The following RAB9A variants were observed in gnomAD, a reference collection of about 807,000 sequenced individuals.
RAB9A encodes RAB9A, member RAS oncogene family.
Under a neutral mutation model 10.3 loss-of-function variants are expected in RAB9A, and 1 was observed. The observed-to-expected ratio is 0.10, with a 90% CI of 0.03 to 0.46. The LOEUF (loss-of-function observed/expected upper bound fraction) is 0.46. Ranked by LOEUF, RAB9A falls within the 20% of genes least tolerant of loss-of-function variation. The pLI is 0.96. For synonymous variants in RAB9A, 39 were observed against 55.2 expected, an observed-to-expected ratio of 0.71 and a Z score of 1.30; for missense variants, 92 against 150.3, an observed-to-expected ratio of 0.61 and a Z score of 2.03.
At chrX:13,697,891 T>C (rs1472788422) in intron 1 of RAB9A, among the ~76,000 whole-genome samples, 7 of 112,025 alleles carry the variant, frequency 6.2e-5, no homozygotes, top group Non-Finnish European at 1.3e-4. Context: ...TCCCTGAAGC[T>C]CATTTCATGG....
At chrX:13,705,026 C>T (rs1039918127) in intron 2 of RAB9A, among the ~76,000 whole-genome samples, 1 of 112,091 alleles carries the variant, frequency 8.9e-6, no homozygotes, top group Non-Finnish European at 1.9e-5. Flanking sequence ...AGAGACTTCA[C>T]GTTACCTTTT....
chrX:13,690,485 G>A (rs1776609324), intron 1 of RAB9A, among the ~76,000 whole-genome samples: 1 of 111,849 alleles, frequency 8.9e-6, no homozygotes, highest in African/African-American at 3.3e-5. Context: ...TATTTGGAAT[G>A]TTAGAGTAGA....
At chrX:13,696,251 AAAAAAAAAATT>A (rs1352683903) in intron 1 of RAB9A, among the ~76,000 whole-genome samples, 1 of 107,258 alleles carries the variant, frequency 9.3e-6, no homozygotes, top group Non-Finnish European at 1.9e-5. Context: ...TTACAAAAAA[AAAAAAAAAATT>A]AAAAAAAAAA....
intron 2 of RAB9A, among the ~76,000 whole-genome samples, chrX:13,706,681 G>C (rs1356607816): frequency 9.1e-6 from 1 of 110,126 alleles, no homozygotes; most frequent in Admixed American, 9.8e-5. Flanking sequence ...TTACAGGTGT[G>C]AGCCATCGTG....
At chrX:13,699,130 G>A (rs1244025215) in intron 1 of RAB9A, among the ~76,000 whole-genome samples, 3 of 111,642 alleles carry the variant, frequency 2.7e-5, no homozygotes, top group South Asian at 3.7e-4. Context: ...GAATGTAGTC[G>A]TTTTTCAGCA....
chrX:13,702,406 A>G (rs1487359170), intron 1 of RAB9A, among the ~76,000 whole-genome samples: 2 of 112,094 alleles, frequency 1.8e-5, no homozygotes, highest in East Asian at 5.6e-4. Flanking sequence ...TCATGGAGAC[A>G]TTGCTTTGGA....
At position 13,709,468 on chromosome X, in the gene RAB9A, A is replaced by G. The variant is rs1481899400; in HGVS notation, c.*116A>G. 1.2e-6 allele frequency: 1 copy of G among 855,451 alleles called. No homozygotes were observed. The highest frequency in any genetic ancestry group is 1.6e-6 in the Non-Finnish European group (1 of 617,974). 70.5% of individuals were successfully genotyped at this position (855,451 alleles called of 1,213,427 possible). On this transcript the variant is annotated 3_prime_UTR_variant, in exon 3 of 3. Coordinates refer to ENST00000464506, the MANE Select transcript of RAB9A (RefSeq NM_004251.5). ...TATCATCTACTAATAAAATTAAACTAATGTTGCTGCTTCATTAGTTGGTGG... is the reference window on the plus strand; with the variant it reads ...TATCATCTACTAATAAAATTAAACTGATGTTGCTGCTTCATTAGTTGGTGG...
chrX:13,705,862 A>G (rs2046195142), intron 2 of RAB9A, among the ~76,000 whole-genome samples: 2 of 111,383 alleles, frequency 1.8e-5, no homozygotes, highest in African/African-American at 6.5e-5. Flanking sequence ...GGAGCAGCAT[A>G]TGCCAGGGTG....
intron 1 of RAB9A, chrX:13,703,588 T>C (rs1467606296): frequency 8.9e-6 from 1 of 112,243 alleles, no homozygotes; most frequent in Non-Finnish European, 1.9e-5. Flanking sequence ...TTCAGACCAA[T>C]AGAGGCTAGT....
chrX:13,692,133 G>A (rs1359194098), intron 1 of RAB9A, among the ~76,000 whole-genome samples: 1 of 109,759 alleles, frequency 9.1e-6, no homozygotes, highest in East Asian at 2.8e-4. Context: ...TGAGACCCCC[G>A]TCTCTACAAA....
At chrX:13,702,826 G>A (rs753236829) in intron 1 of RAB9A, among the ~76,000 whole-genome samples, 2 of 112,316 alleles carry the variant, frequency 1.8e-5, no homozygotes, top group Admixed American at 9.4e-5. Context: ...GCATTTTTGT[G>A]TGGATGTCAC....
At chrX:13,701,211 CCTT>C (rs1308526923) in intron 1 of RAB9A, among the ~76,000 whole-genome samples, 2 of 109,657 alleles carry the variant, frequency 1.8e-5, no homozygotes, top group East Asian at 5.7e-4. Flanking sequence ...AGTCCCTCCT[CCTT>C]TACCTGCCAC....
chrX:13,701,983 T>C (rs1263933664), intron 1 of RAB9A, among the ~76,000 whole-genome samples: 1 of 111,120 alleles, frequency 9.0e-6, no homozygotes, highest in Non-Finnish European at 1.9e-5. Flanking sequence ...CAGTTAGCTT[T>C]CTGGACTCCT....
intron 1 of RAB9A, among the ~76,000 whole-genome samples, chrX:13,696,823 G>A (rs1300802431): frequency 8.9e-6 from 1 of 111,800 alleles, no homozygotes; most frequent in East Asian, 2.8e-4. Context: ...GGTTGGGCTT[G>A]GAAAGCTTTT....
At chrX:13,700,958 G>T (rs1476741198) in intron 1 of RAB9A, among the ~76,000 whole-genome samples, 2 of 111,025 alleles carry the variant, frequency 1.8e-5, no homozygotes, top group Admixed American at 1.9e-4. Flanking sequence ...TTTTTGTAGA[G>T]ATGAAGTTTT....
intron 1 of RAB9A, among the ~76,000 whole-genome samples, chrX:13,698,190 C>CTTTTTTTTTTTTTTT (rs67802719): frequency 1.4e-3 from 54 of 38,299 alleles, no homozygotes; most frequent in Non-Finnish European, 1.8e-3. Context: ...TCTTTTTTTT[C>CTTTTTTTTTTTTTTT]TTTTTTTTTT....
At chrX:13,697,723 C>A (rs779296884) in intron 1 of RAB9A, among the ~76,000 whole-genome samples, 3 of 111,757 alleles carry the variant, frequency 2.7e-5, no homozygotes, top group Non-Finnish European at 5.6e-5. Context: ...ACATAACATA[C>A]AAATGATGCA....
intron 1 of RAB9A, among the ~76,000 whole-genome samples, chrX:13,692,183 G>A (rs1282079651): frequency 9.0e-6 from 1 of 111,054 alleles, no homozygotes; most frequent in Non-Finnish European, 1.9e-5. Context: ...TCAGTGTGGT[G>A]GTGCATGTCC....
At position 13,702,086 on chromosome X, in the gene RAB9A, G is replaced by A. The variant is rs145883308; in HGVS notation, c.-115-1728G>A. ...GAAATCCTTTCCATGGCTTCTACTC[G>A]CCTCCCTGCTCCTGGGCCTCTTCCT... is the stretch of plus-strand genomic sequence containing the variant. On this transcript the variant is annotated intron_variant, in intron 1 of 2. Transcript: ENST00000464506. Among the ~76,000 whole-genome samples the A allele has an allele frequency of 2.0e-3, 221 of 110,984 alleles. 2 individuals are homozygous for A. Among genetic ancestry groups the A allele is most frequent in the African/African-American group, 6.5e-3 (199 of 30,523 alleles).
Sources: allele counts gnomAD v4.1 joint callset (sites outside exome capture counted in the v4.1 genomes callset), GRCh38; gene constraint gnomAD v4.1.1; transcripts MANE v1.5; gene names NCBI Gene and HGNC (gene_info 2026-07-23, HGNC 2026-07-21).